Variants in TNNI1 observed in about 807,000 individuals in gnomAD.
The protein encoded by TNNI1 is troponin I1, slow skeletal type, also known as troponin I, slow skeletal muscle.
Under a neutral mutation model 26.7 loss-of-function variants are expected in TNNI1, and 14 were observed. The ratio of observed to expected loss-of-function variants is 0.52; its 90% CI spans 0.35 to 0.82. TNNI1 has a LOEUF of 0.82. Ranked by LOEUF, TNNI1 falls within the 40% of genes least tolerant of loss-of-function variation. TNNI1 has a pLI of 0.01. For missense variants in TNNI1, 164 were observed against 257.0 expected, an observed-to-expected ratio of 0.64 and a Z score of 2.47; for synonymous variants, 79 against 98.2, an observed-to-expected ratio of 0.80 and a Z score of 1.16.
rs111319201 is a variant in TNNI1, at chr1:201,414,400, C to T, written c.189+118G>A. The T allele has an allele frequency of 4.9e-3, 4,093 of 838,070 alleles. 112 individuals are homozygous for T. The African/African-American group carries it at 0.062, about 13-fold the overall frequency. 51.9% of individuals were successfully genotyped at this position (838,070 alleles called of 1,614,324 possible). On this transcript the variant is annotated intron_variant, in intron 5 of 8. Coordinates refer to ENST00000361379, the MANE Select transcript of TNNI1 (RefSeq NM_003281.4). Reference sequence around the variant, plus strand: ...AATGAGACCATGTAAGGGAGGAGTGCCCTGTAAATTATGGAGCCTTGAGCT... The same window carrying T: ...AATGAGACCATGTAAGGGAGGAGTGTCCTGTAAATTATGGAGCCTTGAGCT...
intron 5 of TNNI1, among the ~76,000 whole-genome samples, chr1:201,413,684 G>A (rs1662681670): frequency 6.6e-6 from 1 of 152,098 alleles, no homozygotes; most frequent in Non-Finnish European, 1.5e-5. Context: ...CACAGAGGTT[G>A]CAGTGAGCCA....
chr1:201,413,264 T>A (rs1436040185), intron 5 of TNNI1, 143 bp from the exon 6 acceptor site: 2 of 803,472 alleles, frequency 2.5e-6, no homozygotes. Flanking sequence ...CTGAGGCTCA[T>A]GACGGGCAAT....
At chr1:201,417,839 A>G (rs2102373538) in intron 1 of TNNI1, 27 bp from the exon 2 acceptor site, 1 of 1,312,060 alleles carries the variant, frequency 7.6e-7, no homozygotes, top group Non-Finnish European at 9.8e-7. Flanking sequence ...AATCATTCAT[A>G]AGGGAAAGTG....
In TNNI1 at chr1:201,411,273, G is replaced by T; in HGVS notation, c.456+84C>A. ...GACTGGTCTCCAACAGGAGCTCCTG[G>T]GCCAGCCTGAGGCCATGTGAGGGGT... On this transcript the variant is annotated intron_variant, in intron 7 of 8. Coordinates refer to ENST00000361379, the MANE Select transcript of TNNI1 (RefSeq NM_003281.4). This position sits in a 1 kb window ranked among gnomAD's most constrained non-coding sequence, Gnocchi z 4.6. 1 of 1,482,980 alleles carries T rather than the reference G, an allele frequency of 6.7e-7. No homozygotes were observed. Among genetic ancestry groups the T allele is most frequent in the South Asian group, 1.2e-5 (1 of 81,414 alleles). The allele number at this position is 1,482,980 out of a possible 1,614,324, so 91.9% of individuals were successfully genotyped here.
At chr1:201,412,310 G>A (rs1010668949) in intron 6 of TNNI1, among the ~76,000 whole-genome samples, 2 of 152,162 alleles carry the variant, frequency 1.3e-5, no homozygotes, top group Non-Finnish European at 2.9e-5. Flanking sequence ...TAGACCCCTG[G>A]AGGAATTCCC....
chr1:201,420,875 C>T (rs368163176), intron 1 of TNNI1, among the ~76,000 whole-genome samples: 10 of 152,320 alleles, frequency 6.6e-5, no homozygotes, highest in East Asian at 1.9e-4. Context: ...CTTCAGCCCC[C>T]ACCTGAGTCA....
At position 201,413,073 on chromosome 1, in the gene TNNI1, G is replaced by T; in HGVS notation, c.238C>A (p.Arg80=). The T allele has an allele frequency of 5.6e-6, 9 of 1,614,056 alleles. No homozygotes were observed. The highest frequency in any genetic ancestry group is 7.6e-6 in the Non-Finnish European group (9 of 1,179,970). The change falls in exon 6 of 9, where the codon CGA becomes AGA. Residue 80 remains arginine (R), a synonymous_variant. Transcript: ENST00000361379. ...AGGCATTTGGCCTCAATGTCGTATC[G>T]CTCCTCATCCACCACCTCCACCTTG... ...HAKVEVVDEE[R]YDIEAKCLHN... is the part of the protein sequence containing the mutation.
intron 5 of TNNI1, among the ~76,000 whole-genome samples, chr1:201,413,910 C>T (rs553886224): frequency 2.0e-5 from 3 of 152,238 alleles, no homozygotes; most frequent in South Asian, 2.1e-4. Flanking sequence ...CTCCTGCCTC[C>T]GCCTTTCAAA....
At chr1:201,417,387 G>A (rs745868889) in intron 2 of TNNI1, among the ~76,000 whole-genome samples, 1 of 152,168 alleles carries the variant, frequency 6.6e-6, no homozygotes, top group Non-Finnish European at 1.5e-5. Flanking sequence ...GGGGACAAGT[G>A]GTGGAAGGGG....
chr1:201,410,324 A>G lies in TNNI1; in HGVS notation c.*2+2T>C, dbSNP rs113787578. The stretch of plus-strand genomic sequence containing the variant: ...CAGAGAAGGGAGCTGGTCTCTAGGT[A>G]CCTCTATTGTGAGGTCGGAGACTTG... On this transcript the variant is annotated splice_donor_variant, in intron 8 of 8. Coordinates refer to ENST00000361379, the MANE Select transcript of TNNI1 (RefSeq NM_003281.4). LOFTEE classifies it low-confidence loss of function (3UTR_SPLICE). 2 of 1,613,408 alleles carry G rather than the reference A, an allele frequency of 1.2e-6. No individual in the cohort carries two copies. Among genetic ancestry groups the G allele is most frequent in the African/African-American group, 1.3e-5 (1 of 74,966 alleles).
At position 201,403,792 on chromosome 1, in the gene TNNI1, T is replaced by C. The variant is rs1373173776; in HGVS notation, c.*5461A>G. 6.6e-6 allele frequency: 1 copy of C among 152,138 alleles called. No individual in the cohort carries two copies. The highest frequency in any genetic ancestry group is 1.5e-5 in the Non-Finnish European group (1 of 68,026). 9.4% of individuals were successfully genotyped at this position (152,138 alleles called of 1,614,324 possible). ...TAAGGTTTACAAAAAGATCCAAAAC[T>C]GAATGATGTATTAGGAATTCATAAA... On this transcript the variant is annotated 3_prime_UTR_variant, in exon 9 of 9. Transcript: ENST00000361379.
intron 5 of TNNI1, among the ~76,000 whole-genome samples, chr1:201,414,041 A>G (rs902665645): frequency 3.9e-5 from 6 of 152,256 alleles, no homozygotes; most frequent in Non-Finnish European, 8.8e-5. Flanking sequence ...AATAATAAAA[A>G]TTAAAATACC....
At position 201,408,628 on chromosome 1, in the gene TNNI1, A is replaced by C. The variant is rs1662572086; in HGVS notation, c.*625T>G. On this transcript the variant is annotated 3_prime_UTR_variant, in exon 9 of 9. Transcript: ENST00000361379. ...AGGACGGGGTCATTTCTCGGAGGTC[A>C]GGGCTCTGGTGAGCTGAGCATCCTG... is the stretch of plus-strand genomic sequence containing the variant. 1 of 152,738 alleles carries C rather than the reference A, an allele frequency of 6.5e-6. No individual in the cohort carries two copies. Among genetic ancestry groups the C allele is most frequent in the Non-Finnish European group, 1.5e-5 (1 of 68,320 alleles). The allele number at this position is 152,738 out of a possible 1,614,324, so 9.5% of individuals were successfully genotyped here. A position where few individuals can be genotyped will look rare whatever the true frequency, so the allele number is the denominator to read the frequency against.
At chr1:201,415,109 C>T (rs1033074713) in intron 4 of TNNI1, 104 bp downstream of exon 4, 11 of 1,092,764 alleles carry the variant, frequency 1.0e-5, no homozygotes, top group Non-Finnish European at 1.5e-5. Flanking sequence ...ACTCTGGCCT[C>T]CTTCCTTTCT....
chr1:201,420,552 AGTGT>A (rs1463360330), intron 1 of TNNI1, among the ~76,000 whole-genome samples: 1 of 152,060 alleles, frequency 6.6e-6, no homozygotes, highest in Non-Finnish European at 1.5e-5. Flanking sequence ...TGTGTGTGTA[AGTGT>A]GTGTAAGTGA....
chr1:201,420,436 A>G (rs530076258), intron 1 of TNNI1, among the ~76,000 whole-genome samples: 1 of 151,030 alleles, frequency 6.6e-6, no homozygotes, highest in Non-Finnish European at 1.5e-5. Context: ...CCTCCCCCCG[A>G]GGGGGGGAGC....
intron 1 of TNNI1, among the ~76,000 whole-genome samples, chr1:201,418,618 T>C (rs1271030444): frequency 6.6e-6 from 1 of 152,182 alleles, no homozygotes; most frequent in Non-Finnish European, 1.5e-5. Context: ...GCAGAGTGGA[T>C]GCTGGAAAAC....
In TNNI1 at chr1:201,413,099, G is replaced by A. The variant is rs2102370821; in HGVS notation, c.212C>T (p.Ala71Val). ...ALQDLCRELH[A>V]KVEVVDEERY... ...CTCCTCATCCACCACCTCCACCTTG[G>A]CGTGCAGCTCCCGGCACAGGTCCTG... The change falls in exon 6 of 9, where the codon GCC (alanine) becomes GTC (valine). Residue 71 changes from alanine to valine, a missense_variant. Around this residue, in one of 3 missense-constraint regions of TNNI1, gnomAD observed 117 missense variants for 158.7 expected, o/e 0.74. Coordinates refer to ENST00000361379, the MANE Select transcript of TNNI1 (RefSeq NM_003281.4). The A allele has an allele frequency of 6.2e-7, 1 of 1,614,088 alleles. No individual in the cohort carries two copies. Among genetic ancestry groups the A allele is most frequent in the Non-Finnish European group, 8.5e-7 (1 of 1,179,978 alleles).
chr1:201,412,846 A>G (rs1205329758), intron 6 of TNNI1, among the ~76,000 whole-genome samples, 186 bp downstream of exon 6: 2 of 152,190 alleles, frequency 1.3e-5, no homozygotes, highest in Non-Finnish European at 2.9e-5. Context: ...TGTACTTTTC[A>G]TGTGTGATTA....
Sources: allele counts gnomAD v4.1 joint callset (sites outside exome capture counted in the v4.1 genomes callset), GRCh38; gene constraint gnomAD v4.1.1; regional missense constraint gnomAD v4.1.1; non-coding constraint Gnocchi (gnomAD v3.1); transcripts MANE v1.5; gene names NCBI Gene and HGNC (gene_info 2026-07-23, HGNC 2026-07-21).